Variants in CALN1 observed in about 807,000 individuals in gnomAD.
CALN1 encodes the protein calneuron 1, also known as calcium-binding protein 8.
Under a neutral mutation model 30.6 loss-of-function variants are expected in CALN1, and 17 were observed. The observed-to-expected ratio is 0.56, with a 90% CI of 0.38 to 0.83. CALN1 has a LOEUF of 0.83. Ranked by LOEUF, CALN1 falls within the 40% of genes least tolerant of loss-of-function variation. The pLI is 0.00. For missense variants in CALN1, 291 were observed against 354.9 expected, an observed-to-expected ratio of 0.82 and a Z score of 1.45; for synonymous variants, 156 against 131.4, an observed-to-expected ratio of 1.19 and a Z score of -1.28.
In CALN1 at chr7:71,783,102, G is replaced by A. The variant is rs960966721; in HGVS notation, c.*4673C>T. On this transcript the variant is annotated 3_prime_UTR_variant, in exon 7 of 7. Transcript: ENST00000395275. The stretch of plus-strand genomic sequence containing the variant: ...GATTCTCCCCTTCTGGGGCAGTTGA[G>A]CAATCAGGTGTGGAGGGAAGATGGC... The A allele has an allele frequency of 6.6e-6, 1 of 152,232 alleles. No individual in the cohort carries two copies. The highest frequency in any genetic ancestry group is 2.4e-5 in the African/African-American group (1 of 41,446). The allele number at this position is 152,232 out of a possible 1,614,324, so 9.4% of individuals were successfully genotyped here. A position where few individuals can be genotyped will look rare whatever the true frequency, so the allele number is the denominator to read the frequency against.
intron 2 of CALN1, among the ~76,000 whole-genome samples, chr7:72,354,889 CTTTTT>C (rs543873177): frequency 1.4e-5 from 2 of 143,992 alleles, no homozygotes; most frequent in Non-Finnish European, 3.0e-5. Flanking sequence ...GCAAAAATTT[CTTTTT>C]TTTTTTCTTT....
intron 1 of CALN1, 87 bp from the exon 2 acceptor site, chr7:72,403,529 T>G (rs1806491731): frequency 1.8e-6 from 1 of 544,390 alleles, no homozygotes; most frequent in Admixed American, 3.1e-5. Flanking sequence ...ATTCACACCC[T>G]CCCTTCCGTG....
chr7:72,388,482 T>C (rs1175252803), intron 2 of CALN1, among the ~76,000 whole-genome samples: 2 of 152,128 alleles, frequency 1.3e-5, no homozygotes, highest in Non-Finnish European at 2.9e-5. Context: ...GCCTTAATAA[T>C]AATGTATCAA....
intron 2 of CALN1, among the ~76,000 whole-genome samples, chr7:72,321,677 G>A (rs893559624): frequency 1.3e-5 from 2 of 152,196 alleles, no homozygotes; most frequent in Non-Finnish European, 2.9e-5. Context: ...GGAGGGAGGG[G>A]ACGGAAAATC....
At chr7:72,101,801 G>C (rs1473890490) in intron 4 of CALN1, among the ~76,000 whole-genome samples, 1 of 152,044 alleles carries the variant, frequency 6.6e-6, no homozygotes, top group Non-Finnish European at 1.5e-5. Flanking sequence ...TTGCTTCTTG[G>C]TGTATATCTA....
chr7:72,456,339 A>G, the CALN1 span, among the ~76,000 whole-genome samples: 1 of 152,080 alleles, frequency 6.6e-6, no homozygotes, highest in Non-Finnish European at 1.5e-5. Context: ...CCTGGACAAC[A>G]TAGTAAGACC....
At chr7:72,393,845 G>A (rs1472925887) in intron 2 of CALN1, among the ~76,000 whole-genome samples, 6 of 151,082 alleles carry the variant, frequency 4.0e-5, no homozygotes, top group South Asian at 2.1e-4. Flanking sequence ...CACTTCCCAG[G>A]CCCAAGCAAT....
In CALN1 at chr7:72,408,313, C is replaced by A. The variant is rs370607073; in HGVS notation, c.-74+3745G>T. ...AAAATTAGTAGTGCGTGGTGGCTCACGCTTGTAGTCCCAGCTACTCAGGAG... is the reference window on the plus strand; with the variant it reads ...AAAATTAGTAGTGCGTGGTGGCTCAAGCTTGTAGTCCCAGCTACTCAGGAG... On this transcript the variant is annotated intron_variant, in intron 1 of 6. Transcript: ENST00000395275. Among the ~76,000 whole-genome samples, 197 of 150,402 alleles carry A rather than the reference C, an allele frequency of 1.3e-3. 3 individuals carry two copies. The highest frequency in any genetic ancestry group is 4.3e-3 in the African/African-American group (178 of 40,994).
Position 71,980,809 on chromosome 7 carries a change from C to T in CALN1, c.501+42848G>A, listed in dbSNP as rs1416975750. ...CGGGTACAGAAACAGAGAGAGGTAG[C>T]GGGGTGCTCCTCCCCTCCTGTGGAA... On this transcript the variant is annotated intron_variant, in intron 5 of 6. Transcript: ENST00000395275. 9.2e-5 allele frequency among the ~76,000 whole-genome samples: 14 copies of T among 152,136 alleles called. 1 individual carries two copies. The highest frequency in any genetic ancestry group is 5.2e-4 in the Admixed American group (8 of 15,280).
intron 4 of CALN1, among the ~76,000 whole-genome samples, chr7:72,058,148 T>C (rs909854353): frequency 6.6e-6 from 1 of 152,050 alleles, no homozygotes; most frequent in Non-Finnish European, 1.5e-5. Flanking sequence ...TCACGCCACG[T>C]TAAACACCTA....
chr7:72,186,640 T>G (rs1790209006), intron 3 of CALN1, among the ~76,000 whole-genome samples: 1 of 152,114 alleles, frequency 6.6e-6, no homozygotes, highest in Admixed American at 6.5e-5. Context: ...AATGGTTAGC[T>G]CTCACTTACA....
chr7:72,087,512 GT>G (rs765556708), intron 4 of CALN1, among the ~76,000 whole-genome samples: 5 of 152,134 alleles, frequency 3.3e-5, no homozygotes, highest in Non-Finnish European at 7.4e-5. Context: ...TGTTAGAAAA[GT>G]ATCTAGTTTA....
intron 5 of CALN1, among the ~76,000 whole-genome samples, chr7:71,867,617 T>G (rs371385814): frequency 2.6e-5 from 4 of 152,074 alleles, no homozygotes; most frequent in East Asian, 1.9e-4. Context: ...TTATTTTTAG[T>G]AGAGACGAGG....
chr7:71,958,437 G>A (rs186780484), intron 5 of CALN1, among the ~76,000 whole-genome samples: 1 of 152,238 alleles, frequency 6.6e-6, no homozygotes, highest in Admixed American at 6.5e-5. Flanking sequence ...ACTCAGGGAG[G>A]CCCCTTTGTG....
intron 2 of CALN1, among the ~76,000 whole-genome samples, chr7:72,366,506 C>T (rs1030098729): frequency 4.7e-5 from 7 of 147,998 alleles, no homozygotes; most frequent in Non-Finnish European, 4.4e-5. Flanking sequence ...ATTTCAATAG[C>T]TGTTGGGGTA....
intron 4 of CALN1, among the ~76,000 whole-genome samples, chr7:72,071,839 C>T (rs570703947): frequency 8.5e-5 from 13 of 152,126 alleles, no homozygotes; most frequent in South Asian, 4.1e-4. Context: ...TTAAAACAAC[C>T]GTCTTAAACA....
chr7:72,050,809 G>A (rs753703101), intron 4 of CALN1, among the ~76,000 whole-genome samples: 7 of 151,790 alleles, frequency 4.6e-5, no homozygotes, highest in African/African-American at 9.7e-5. Flanking sequence ...GAGACCAGCC[G>A]GGCTAACATG....
chr7:71,854,529 T>C (rs778105845), intron 5 of CALN1, among the ~76,000 whole-genome samples: 3 of 152,234 alleles, frequency 2.0e-5, no homozygotes, highest in Non-Finnish European at 2.9e-5. Context: ...CATTCTGCAT[T>C]GTGGTTACAT....
chr7:71,788,478 G>GTTTTTTT (rs71092906), intron 6 of CALN1, among the ~76,000 whole-genome samples: 4 of 141,832 alleles, frequency 2.8e-5, no homozygotes, highest in African/African-American at 1.1e-4. Context: ...TTACTAAGAG[G>GTTTTTTT]TTTTTTTTTG....
Sources: gnomAD v4.1 joint callset for allele counts (sites outside exome capture counted in the v4.1 genomes callset) on GRCh38, gnomAD v4.1.1 for gene constraint, MANE v1.5 for transcripts, NCBI Gene and HGNC (gene_info 2026-07-23, HGNC 2026-07-21) for gene names.